Variants in TRPS1 observed in about 807,000 individuals in gnomAD.
TRPS1 encodes zinc finger transcription factor Trps1.
A neutral mutation model predicts 101.2 loss-of-function variants in TRPS1; 6 were observed. That is an observed-to-expected ratio of 0.06 (90% CI 0.03 to 0.12). The LOEUF is 0.12. Ranked by LOEUF, TRPS1 falls within the 10% of genes least tolerant of loss-of-function variation. TRPS1 has a pLI of 1.00. For synonymous variants in TRPS1, 578 were observed against 589.8 expected, an observed-to-expected ratio of 0.98 and a Z score of 0.29; for missense variants, 1,363 against 1,567.0, an observed-to-expected ratio of 0.87 and a Z score of 2.20.
chr8:115,515,129 T>A, intron 5 of TRPS1: 1 of 637,844 alleles, frequency 1.6e-6, no homozygotes, highest in Non-Finnish European at 2.8e-6. Flanking sequence ...TTGGGGAGAA[T>A]GATAGCTAGA....
chr8:115,662,836 C>T (rs6996088), intron 1 of TRPS1, among the ~76,000 whole-genome samples: 33,247 of 151,886 alleles, frequency 0.22, 6,485 homozygotes, highest in African/African-American at 0.53. Flanking sequence ...AATGCATTTT[C>T]GTAAAGTTTC....
intron 3 of TRPS1, among the ~76,000 whole-genome samples, chr8:115,611,918 T>C (rs942677776): frequency 9.2e-5 from 14 of 152,198 alleles, no homozygotes; most frequent in Non-Finnish European, 1.9e-4. Flanking sequence ...AATGTCTTAT[T>C]GGAGAGCTGA....
intron 5 of TRPS1, among the ~76,000 whole-genome samples, chr8:115,421,047 C>T (rs1190825859): frequency 3.3e-5 from 5 of 151,052 alleles, no homozygotes; most frequent in East Asian, 3.9e-4. Flanking sequence ...CAATGGCACA[C>T]GATCTTGGCT....
At chr8:115,591,187 G>A (rs761189084) in intron 4 of TRPS1, among the ~76,000 whole-genome samples, 1 of 152,110 alleles carries the variant, frequency 6.6e-6, no homozygotes, top group Non-Finnish European at 1.5e-5. Flanking sequence ...AACAAAGACA[G>A]TAAGGGCATT....
chr8:115,577,391 A>G (rs886235555), intron 5 of TRPS1, among the ~76,000 whole-genome samples: 3 of 152,128 alleles, frequency 2.0e-5, no homozygotes, highest in Non-Finnish European at 2.9e-5. Flanking sequence ...TTTTTAGCAT[A>G]TAGGTAGCAC....
chr8:115,609,056 A>C (rs968206157), intron 3 of TRPS1, among the ~76,000 whole-genome samples: 2 of 152,126 alleles, frequency 1.3e-5, no homozygotes, highest in Non-Finnish European at 2.9e-5. Flanking sequence ...CATGTTGCCC[A>C]GACTGGTCTT....
At chr8:115,506,322 A>C (rs558849691) in intron 5 of TRPS1, among the ~76,000 whole-genome samples, 1 of 152,168 alleles carries the variant, frequency 6.6e-6, no homozygotes, top group Admixed American at 6.5e-5. Flanking sequence ...CTCTGAGATG[A>C]CTACGGTTGA....
chr8:115,635,456 A>C (rs999783788), intron 1 of TRPS1, among the ~76,000 whole-genome samples: 12 of 152,188 alleles, frequency 7.9e-5, no homozygotes, highest in Non-Finnish European at 1.3e-4. Context: ...ATAGTTTCTG[A>C]GGGCCAACTA....
intron 5 of TRPS1, among the ~76,000 whole-genome samples, chr8:115,488,123 C>T (rs190918611): frequency 6.6e-6 from 1 of 152,276 alleles, no homozygotes; most frequent in African/African-American, 2.4e-5. Context: ...AAGGCAAAAT[C>T]CTCCACCAGA....
At chr8:115,519,125 G>A (rs996182995) in intron 5 of TRPS1, among the ~76,000 whole-genome samples, 8 of 150,828 alleles carry the variant, frequency 5.3e-5, no homozygotes, top group African/African-American at 1.5e-4. Flanking sequence ...CTACTTTTTC[G>A]TTTTTCTTAT....
intron 5 of TRPS1, among the ~76,000 whole-genome samples, chr8:115,585,719 T>TAATAAAC (rs1296785655): frequency 6.6e-6 from 1 of 152,132 alleles, no homozygotes; most frequent in Non-Finnish European, 1.5e-5. Flanking sequence ...CTGTTTCTCT[T>TAATAAAC]TTTTTCCCGA....
rs532617447 is a variant in TRPS1 at position 115,535,444 on chromosome 8, G to A, written c.2700+51557C>T. Among the ~76,000 whole-genome samples the A allele has an allele frequency of 4.2e-3, 622 of 147,204 alleles. 8 individuals are homozygous for A. The highest frequency in any genetic ancestry group is 0.014 in the African/African-American group (557 of 40,162). Reference sequence around the variant, plus strand: ...CATATATATAGTGCATATATATAGCGTATATAGTGCATATATAGCATATAC... The same window carrying A: ...CATATATATAGTGCATATATATAGCATATATAGTGCATATATAGCATATAC... On this transcript the variant is annotated intron_variant, in intron 5 of 6. Transcript: ENST00000395715.
At chr8:115,514,963 A>C (rs2130198765) in intron 5 of TRPS1, among the ~76,000 whole-genome samples, 1 of 151,750 alleles carries the variant, frequency 6.6e-6, no homozygotes, top group Admixed American at 6.6e-5. Flanking sequence ...ATGTTTTTCC[A>C]GTATGACAAA....
intron 5 of TRPS1, among the ~76,000 whole-genome samples, chr8:115,523,236 G>C (rs1222706297): frequency 6.6e-6 from 1 of 152,096 alleles, no homozygotes; most frequent in African/African-American, 2.4e-5. Flanking sequence ...AAAGGTTTCA[G>C]TAATTTTGAT....
chr8:115,628,055 G>A (rs540131664), intron 1 of TRPS1, among the ~76,000 whole-genome samples: 13 of 151,764 alleles, frequency 8.6e-5, no homozygotes, highest in Non-Finnish European at 1.9e-4. Context: ...ACTTATACCT[G>A]TAATATACTC....
chr8:115,423,567 C>T (rs1586259441), intron 5 of TRPS1, among the ~76,000 whole-genome samples: 1 of 152,162 alleles, frequency 6.6e-6, no homozygotes, highest in African/African-American at 2.4e-5. Flanking sequence ...ATTTTTTCCT[C>T]CCCTTTAGAG....
At chr8:115,642,023 G>T (rs1454570852) in intron 1 of TRPS1, among the ~76,000 whole-genome samples, 1 of 152,056 alleles carries the variant, frequency 6.6e-6, no homozygotes, top group African/African-American at 2.4e-5. Flanking sequence ...GACCAGCCTG[G>T]AAAATACAGC....
At chr8:115,436,215 A>T (rs1199514488) in intron 5 of TRPS1, among the ~76,000 whole-genome samples, 1 of 151,650 alleles carries the variant, frequency 6.6e-6, no homozygotes, top group African/African-American at 2.4e-5. Context: ...TCTGGGAAAA[A>T]CTCTGACTTT....
intron 5 of TRPS1, among the ~76,000 whole-genome samples, chr8:115,572,579 G>C (rs1817230249): frequency 6.6e-6 from 1 of 151,988 alleles, no homozygotes; most frequent in East Asian, 1.9e-4. Context: ...AAGAATCAGT[G>C]TCTATAGCTT....
Sources: allele counts gnomAD v4.1 joint callset (sites outside exome capture counted in the v4.1 genomes callset), GRCh38; gene constraint gnomAD v4.1.1; transcripts MANE v1.5; gene names NCBI Gene and HGNC (gene_info 2026-07-23, HGNC 2026-07-21).